The following SYCP2L variants were observed in gnomAD, a reference collection of about 807,000 sequenced individuals.
The protein encoded by SYCP2L is synaptonemal complex protein 2-like.
A neutral mutation model predicts 125.8 loss-of-function variants in SYCP2L; 98 were observed. The observed-to-expected ratio is 0.78, with a 90% confidence interval of 0.66 to 0.92. SYCP2L has a LOEUF of 0.92. Ranked by LOEUF, SYCP2L falls within the 40% of genes least tolerant of loss-of-function variation. SYCP2L has a pLI of 0.00. For synonymous variants in SYCP2L, 317 were observed against 325.4 expected, an observed-to-expected ratio of 0.97 and a Z score of 0.28; for missense variants, 842 against 936.4, an observed-to-expected ratio of 0.90 and a Z score of 1.32.
At chr6:10,921,747 C>T (rs1255177366) in intron 14 of SYCP2L, among the ~76,000 whole-genome samples, 3 of 151,760 alleles carry the variant, frequency 2.0e-5, no homozygotes, top group Non-Finnish European at 4.4e-5. Context: ...GCTCTGTCGC[C>T]CAGGCTGAAG....
At chr6:10,940,295 A>G (rs911501260) in intron 21 of SYCP2L, among the ~76,000 whole-genome samples, 17 of 152,186 alleles carry the variant, frequency 1.1e-4, no homozygotes, top group Admixed American at 2.6e-4. Context: ...AAAAAATTAG[A>G]ATTGTATAGA....
intron 23 of SYCP2L, among the ~76,000 whole-genome samples, chr6:10,950,592 T>C (rs1164922972): frequency 6.6e-6 from 1 of 152,208 alleles, no homozygotes; most frequent in African/African-American, 2.4e-5. Context: ...ATTGGTCTTT[T>C]GTTTTTGTAG....
rs1781630137 is a variant in SYCP2L, at chr6:10,963,747, G to A, written c.2415-35G>A. On this transcript the variant is annotated intron_variant, in intron 28 of 29. Coordinates refer to ENST00000283141, the MANE Select transcript of SYCP2L (RefSeq NM_001040274.3). ...TGTTCTTGTTTTTAAATTGTCTAAT[G>A]TGAATATAATAAGAGATGGACCAAT... 5 of 1,608,130 alleles carry A rather than the reference G, an allele frequency of 3.1e-6. No individual in the cohort carries two copies. In the African/African-American group the frequency reaches 4.0e-5, roughly 13 times the overall value.
rs777138240 is a variant in SYCP2L at position 10,927,388 on chromosome 6, C to T, written c.1440+21C>T. 95 of 1,593,650 alleles carry T rather than the reference C, an allele frequency of 6.0e-5. 1 individual carries two copies. The highest frequency in any genetic ancestry group is 8.0e-5 in the Non-Finnish European group (93 of 1,164,780). ...GTCACGTAGGTTCTTTTCTATTTTC[C>T]CTAAGCATCGGCCAGGTTGAGAAAT... On this transcript the variant is annotated intron_variant, in intron 17 of 29. Transcript: ENST00000283141.
At chr6:10,918,031 T>G (rs1187419970) in intron 14 of SYCP2L, among the ~76,000 whole-genome samples, 16 of 151,856 alleles carry the variant, frequency 1.1e-4, no homozygotes. Flanking sequence ...ATCTGGTAGG[T>G]TTCCTTTATA....
In SYCP2L at chr6:10,935,096, G is replaced by A. The variant is rs1386930445; in HGVS notation, c.1722G>A (p.Glu574=). The change falls in exon 21 of 30, where the codon GAG becomes GAA. Residue 574 remains glutamate, a synonymous_variant. Transcript: ENST00000283141. ...LLSPSEKEIP[E]QNNTTSPKTS... Reference sequence around the variant, plus strand: ...CACCATCAGAGAAAGAAATACCCGAGCAAAATAACACCACATCTCCAAAGA... The same window carrying A: ...CACCATCAGAGAAAGAAATACCCGAACAAAATAACACCACATCTCCAAAGA... The A allele has an allele frequency of 6.2e-7, 1 of 1,612,170 alleles. No individual in the cohort carries two copies. Among genetic ancestry groups the A allele is most frequent in the African/African-American group, 1.3e-5 (1 of 74,994 alleles).
chr6:10,961,515 C>A lies in SYCP2L; in HGVS notation c.2371C>A (p.Gln791Lys). Residue 791 changes from glutamine (Q) to lysine (K), a missense_variant, in exon 28 of 30, where the codon CAG (glutamine) becomes AAG (lysine). Transcript: ENST00000283141. Reference sequence around the variant, plus strand: ...TCAATCTTAGGAATTCTGGGGGAAACAGTCTGCTGATCTGCAATCTTTCTG... The same window carrying A: ...TCAATCTTAGGAATTCTGGGGGAAAAAGTCTGCTGATCTGCAATCTTTCTG... ...EKEVLEFWGK[Q>K]SADLQSFCDL... 6.2e-7 allele frequency: 1 copy of A among 1,614,138 alleles called. No homozygotes were observed.
chr6:10,907,899 T>TTTTG lies in SYCP2L; in HGVS notation c.819+218_819+219insGTTT, dbSNP rs765786348. Among the ~76,000 whole-genome samples, 280 of 130,038 alleles carry TTTTG rather than the reference T, an allele frequency of 2.2e-3. 13 individuals are homozygous for TTTTG. Among genetic ancestry groups the TTTTG allele is most frequent in the Non-Finnish European group, 2.6e-3 (163 of 63,242 alleles). The allele number at this position is 130,038 out of a possible 152,430, so 85.3% of individuals were successfully genotyped here. On this transcript the variant is annotated intron_variant, in intron 10 of 29. Transcript: ENST00000283141. ...ATATAGGGATACAGATAGGTTTTTT[T>TTTTG]TTTTTTTTTTTGACAGAGTCTCACT...
At chr6:10,900,437 C>T (rs748799993) in intron 6 of SYCP2L, among the ~76,000 whole-genome samples, 1 of 151,964 alleles carries the variant, frequency 6.6e-6, no homozygotes, top group Non-Finnish European at 1.5e-5. Flanking sequence ...ACTGCAACCT[C>T]TGCCTCCCGG....
At chr6:10,893,425 TATG>T (rs1780207935) in intron 2 of SYCP2L, among the ~76,000 whole-genome samples, 1 of 152,252 alleles carries the variant, frequency 6.6e-6, no homozygotes, top group East Asian at 1.9e-4. Context: ...TTCCTTCTAT[TATG>T]ATCATTTATG....
intron 23 of SYCP2L, among the ~76,000 whole-genome samples, chr6:10,946,818 T>C (rs918052542): frequency 7.9e-5 from 12 of 152,212 alleles, no homozygotes; most frequent in Non-Finnish European, 1.2e-4. Context: ...TAAGTCTAAA[T>C]ACGTCTAAGA....
intron 29 of SYCP2L, among the ~76,000 whole-genome samples, chr6:10,973,696 CT>C (rs1781813821): frequency 6.6e-6 from 1 of 152,188 alleles, no homozygotes; most frequent in Admixed American, 6.5e-5. Context: ...TTAGGTTAAA[CT>C]ATCGAGAGAT....
chr6:10,930,310 T>A, intron 18 of SYCP2L, 60 bp from the exon 19 acceptor site: 1 of 1,531,484 alleles, frequency 6.5e-7, no homozygotes, highest in Non-Finnish European at 8.9e-7. Flanking sequence ...ATATGTTTAG[T>A]TATACATAAG....
intron 23 of SYCP2L, among the ~76,000 whole-genome samples, chr6:10,952,556 T>C (rs761000287): frequency 2.0e-5 from 3 of 147,862 alleles, no homozygotes; most frequent in Non-Finnish European, 4.4e-5. Flanking sequence ...GGACAAACTT[T>C]GGGCTATTGC....
chr6:10,958,775 A>T lies in SYCP2L; in HGVS notation c.2164-9A>T. Reference sequence around the variant, plus strand: ...ATGTGATCATCTTGTTATTGTTGTTATGATTTAGCTTAGGTACAGAAAGCG... The same window carrying T: ...ATGTGATCATCTTGTTATTGTTGTTTTGATTTAGCTTAGGTACAGAAAGCG... On this transcript the variant is annotated splice_polypyrimidine_tract_variant and intron_variant, in intron 25 of 29. Coordinates refer to ENST00000283141, the MANE Select transcript of SYCP2L (RefSeq NM_001040274.3). 6.2e-7 allele frequency: 1 copy of T among 1,605,042 alleles called. No individual in the cohort carries two copies. The highest frequency in any genetic ancestry group is 8.5e-7 in the Non-Finnish European group (1 of 1,177,256).
intron 14 of SYCP2L, among the ~76,000 whole-genome samples, chr6:10,924,224 A>G (rs888887976): frequency 2.6e-5 from 4 of 152,372 alleles, no homozygotes; most frequent in East Asian, 3.9e-4. Context: ...ATTGCAGAAG[A>G]CAAAACTATC....
chr6:10,893,689 A>G (rs993850211), intron 2 of SYCP2L, among the ~76,000 whole-genome samples, 178 bp from the exon 3 acceptor site: 2 of 152,212 alleles, frequency 1.3e-5, no homozygotes, highest in Admixed American at 1.3e-4. Flanking sequence ...TCTTAAACCA[A>G]CGGAAACATC....
chr6:10,966,554 A>G (rs1781681124), intron 29 of SYCP2L, among the ~76,000 whole-genome samples: 1 of 152,204 alleles, frequency 6.6e-6, no homozygotes, highest in South Asian at 2.1e-4. Context: ...TTATTCCCCA[A>G]AGCCCCAGCA....
At chr6:10,900,353 C>T (rs1977745) in intron 6 of SYCP2L, among the ~76,000 whole-genome samples, 1 of 150,484 alleles carries the variant, frequency 6.6e-6, no homozygotes. Flanking sequence ...TTTTTCTTTT[C>T]TTTTCTTTTT....
Sources: gnomAD v4.1 joint callset for allele counts (sites outside exome capture counted in the v4.1 genomes callset) on GRCh38, gnomAD v4.1.1 for gene constraint, MANE v1.5 for transcripts, NCBI Gene and HGNC (gene_info 2026-07-23, HGNC 2026-07-21) for gene names.